DLGAP1: variants seen among roughly 807,000 people sequenced by gnomAD.
The protein encoded by DLGAP1 is DLG associated protein 1, also known as disks large-associated protein 1.
A neutral mutation model predicts 90.8 loss-of-function variants in DLGAP1; 11 were observed. That is an observed-to-expected ratio of 0.12 (90% CI 0.08 to 0.20). The LOEUF (loss-of-function observed/expected upper bound fraction) is 0.20. Ranked by LOEUF, DLGAP1 falls within the 10% of genes least tolerant of loss-of-function variation. DLGAP1 has a pLI of 1.00. For synonymous variants in DLGAP1, 558 were observed against 540.7 expected, an observed-to-expected ratio of 1.03 and a Z score of -0.44; for missense variants, 1,050 against 1,333.8, an observed-to-expected ratio of 0.79 and a Z score of 3.31.
At chr18:3,576,979 C>A (rs1042118602) in intron 8 of DLGAP1, among the ~76,000 whole-genome samples, 4 of 152,092 alleles carry the variant, frequency 2.6e-5, no homozygotes, top group African/African-American at 9.7e-5. Flanking sequence ...TCTTCTGCCT[C>A]AGCCTCCTAA....
intron 6 of DLGAP1, among the ~76,000 whole-genome samples, chr18:3,731,570 G>GC (rs1339818391): frequency 1.5e-5 from 2 of 132,374 alleles, no homozygotes; most frequent in African/African-American, 6.2e-5. Context: ...ACCACGCCTG[G>GC]CTTTTTTTTT....
intron 7 of DLGAP1, among the ~76,000 whole-genome samples, chr18:3,624,260 T>C (rs903703044): frequency 2.6e-5 from 4 of 152,192 alleles, no homozygotes; most frequent in Non-Finnish European, 5.9e-5. Flanking sequence ...TGCGCATAGG[T>C]CTGACACTGC....
At chr18:3,535,951 C>T (rs1280235248) in intron 9 of DLGAP1, among the ~76,000 whole-genome samples, 3 of 151,990 alleles carry the variant, frequency 2.0e-5, no homozygotes, top group Non-Finnish European at 2.9e-5. Flanking sequence ...AGGAGAATCG[C>T]TTGAATCCAG....
chr18:3,747,127 G>A (rs1010601486), intron 5 of DLGAP1, among the ~76,000 whole-genome samples: 2 of 152,168 alleles, frequency 1.3e-5, no homozygotes, highest in African/African-American at 4.8e-5. Flanking sequence ...GGAGGTCTAC[G>A]TGGAAGGAAC....
At chr18:4,227,686 T>C (rs1289948846) in intron 1 of DLGAP1, among the ~76,000 whole-genome samples, 3 of 151,672 alleles carry the variant, frequency 2.0e-5, no homozygotes, top group Admixed American at 6.6e-5. Flanking sequence ...ACCTATGGGA[T>C]ACAGCAAAAG....
At chr18:4,348,961 T>G (rs137993364) in intron 1 of DLGAP1, among the ~76,000 whole-genome samples, 51 of 152,232 alleles carry the variant, frequency 3.4e-4, no homozygotes, top group African/African-American at 1.2e-3. Context: ...AACACAGTGG[T>G]AAGAATCATT....
chr18:3,534,541 T>G lies in DLGAP1; in HGVS notation c.2132A>C (p.Glu711Ala). The part of the protein sequence containing the change: ...QADLDFHDNL[E>A]NSLESIEDNS... The stretch of plus-strand genomic sequence containing the variant: ...GTCCTCTATAGATTCCAGAGAATTT[T>G]CCAGATTATCATGGAAGTCCAGGTC... Residue 711 changes from glutamate to alanine, a missense_variant, in exon 10 of 13, where the codon GAA becomes GCA. By Grantham distance (107) the Glu-to-Ala change is moderately radical (BLOSUM62 -1). Transcript: ENST00000315677. The G allele has an allele frequency of 6.2e-7, 1 of 1,613,984 alleles. No homozygotes were observed. Among genetic ancestry groups the G allele is most frequent in the African/African-American group, 1.3e-5 (1 of 75,034 alleles).
At chr18:4,260,845 T>C (rs1450979328) in intron 1 of DLGAP1, among the ~76,000 whole-genome samples, 2 of 152,112 alleles carry the variant, frequency 1.3e-5, no homozygotes, top group African/African-American at 4.8e-5. Flanking sequence ...CAAATACACA[T>C]AGGTTAAACA....
At chr18:3,905,366 C>CAAAAAAAAAAAAAAAAA (rs71160924) in intron 3 of DLGAP1, among the ~76,000 whole-genome samples, 5 of 19,822 alleles carry the variant, frequency 2.5e-4, no homozygotes, top group Admixed American at 1.1e-3. Context: ...GACTCCATCT[C>CAAAAAAAAAAAAAAAAA]AAAAAAAAAA....
At chr18:4,012,525 C>T (rs1368778876) in intron 2 of DLGAP1, among the ~76,000 whole-genome samples, 1 of 151,338 alleles carries the variant, frequency 6.6e-6, no homozygotes, top group African/African-American at 2.4e-5. Context: ...GTTCCACTGG[C>T]TATCCCCAAG....
At chr18:4,074,819 AT>A (rs1404836063) in intron 2 of DLGAP1, among the ~76,000 whole-genome samples, 1 of 152,164 alleles carries the variant, frequency 6.6e-6, no homozygotes, top group Non-Finnish European at 1.5e-5. Flanking sequence ...AAAAATGTAA[AT>A]GTAAGTTTTC....
chr18:4,100,990 A>G (rs865815808), intron 2 of DLGAP1, among the ~76,000 whole-genome samples: 3 of 152,300 alleles, frequency 2.0e-5, no homozygotes, highest in Admixed American at 6.5e-5. Flanking sequence ...AACTTTTTCT[A>G]TATTATCAGT....
At chr18:4,020,946 C>T (rs1204431183) in intron 2 of DLGAP1, among the ~76,000 whole-genome samples, 1 of 152,122 alleles carries the variant, frequency 6.6e-6, no homozygotes, top group African/African-American at 2.4e-5. Flanking sequence ...GCTGACACCA[C>T]CCAGACTGGT....
At chr18:3,638,141 G>A (rs1367549241) in intron 7 of DLGAP1, among the ~76,000 whole-genome samples, 4 of 151,510 alleles carry the variant, frequency 2.6e-5, no homozygotes, top group African/African-American at 9.7e-5. Flanking sequence ...TAGAGACAGG[G>A]TTTCACCGTG....
intron 3 of DLGAP1, among the ~76,000 whole-genome samples, chr18:3,937,594 T>C (rs753039408): frequency 1.3e-5 from 2 of 152,228 alleles, no homozygotes; most frequent in Admixed American, 6.5e-5. Context: ...ACAGTTTAGC[T>C]ACCCAACATG....
intron 4 of DLGAP1, among the ~76,000 whole-genome samples, chr18:3,839,192 T>C (rs1253221682): frequency 6.6e-6 from 1 of 152,200 alleles, no homozygotes; most frequent in Non-Finnish European, 1.5e-5. Context: ...GCCCACAGGG[T>C]ACAATTAATG....
At chr18:4,243,812 C>T (rs147641261) in intron 1 of DLGAP1, among the ~76,000 whole-genome samples, 55 of 152,184 alleles carry the variant, frequency 3.6e-4, no homozygotes, top group Middle Eastern at 6.8e-3. Flanking sequence ...AAATGAAACC[C>T]GCTTATCTTT....
intron 2 of DLGAP1, among the ~76,000 whole-genome samples, chr18:4,035,479 T>C (rs1431073099): frequency 1.3e-5 from 2 of 152,160 alleles, no homozygotes; most frequent in Non-Finnish European, 2.9e-5. Context: ...TGTTTCACAT[T>C]CCATGGCTAC....
chr18:3,644,659 C>T (rs1049527077), intron 7 of DLGAP1, among the ~76,000 whole-genome samples: 19 of 152,188 alleles, frequency 1.2e-4, no homozygotes, highest in African/African-American at 3.6e-4. Flanking sequence ...ATGATCCACC[C>T]GCCTCGGCCT....
Sources: allele counts gnomAD v4.1 joint callset (sites outside exome capture counted in the v4.1 genomes callset), GRCh38; gene constraint gnomAD v4.1.1; transcripts MANE v1.5; gene names NCBI Gene and HGNC (gene_info 2026-07-23, HGNC 2026-07-21).